PTGDR2: variants seen among roughly 807,000 people sequenced by gnomAD.
The protein encoded by PTGDR2 is prostaglandin D2 receptor 2.
For synonymous variants in PTGDR2, 276 were observed against 278.4 expected (o/e 0.99, Z 0.09); for missense variants, 544 against 576.6 (o/e 0.94, Z 0.58).
rs1436493270 is a variant in PTGDR2, at chr11:60,851,297, C to A, written c.*1238G>T. On this transcript the variant is annotated 3_prime_UTR_variant, in exon 2 of 2. Transcript: ENST00000332539. ...CTCAAGAGTTTCTCATCTGCTTCTTCCACTGACATTTCATCCACCAAGCAA... is the reference window on the plus strand; with the variant it reads ...CTCAAGAGTTTCTCATCTGCTTCTTACACTGACATTTCATCCACCAAGCAA... 3 of 152,274 alleles carry A rather than the reference C, an allele frequency of 2.0e-5. No individual in the cohort carries two copies. The allele number at this position is 152,274 out of a possible 1,614,324, so 9.4% of individuals were successfully genotyped here.
In PTGDR2 at chr11:60,852,875, C is replaced by T. The variant is rs1352162656; in HGVS notation, c.848G>A (p.Trp283Ter). 42 of 1,541,292 alleles carry T rather than the reference C, an allele frequency of 2.7e-5. No individual in the cohort carries two copies. Among genetic ancestry groups the T allele is most frequent in the Non-Finnish European group, 3.1e-5 (36 of 1,143,136 alleles). The change falls in exon 2 of 2, where the codon TGG becomes TAG. Residue 283 changes from tryptophan (W) to a stop codon, truncating the protein, a stop_gained. Coordinates refer to ENST00000332539, the MANE Select transcript of PTGDR2 (RefSeq NM_004778.3). LOFTEE classifies it low-confidence loss of function (END_TRUNC). ...GCTGGTGACGAAGGGCAGCCCGCGC[C>T]ACACGAGCGGCCGCAGCCCCGGGTT... ...HANPGLRPLV[W>*]RGLPFVTSLA...
chr11:60,852,474 T>A lies in PTGDR2; in HGVS notation c.*61A>T. On this transcript the variant is annotated 3_prime_UTR_variant, in exon 2 of 2. Coordinates refer to ENST00000332539, the MANE Select transcript of PTGDR2 (RefSeq NM_004778.3). ...CTGCGGCAGGAGTCCGGATATCGAA[T>A]TGAACCGCGGCACCCTGGTGATACT... 8.1e-7 allele frequency: 1 copy of A among 1,229,214 alleles called. No homozygotes were observed. Among genetic ancestry groups the A allele is most frequent in the Middle Eastern group, 3.1e-4 (1 of 3,252 alleles). The allele number at this position is 1,229,214 out of a possible 1,614,324, so 76.1% of individuals were successfully genotyped here. A position where few individuals can be genotyped will look rare whatever the true frequency, so the allele number is the denominator to read the frequency against.
chr11:60,852,502 C>A lies in PTGDR2; in HGVS notation c.*33G>T. 2 of 1,246,748 alleles carry A rather than the reference C, an allele frequency of 1.6e-6. No homozygotes were observed. Among genetic ancestry groups the A allele is most frequent in the Admixed American group, 4.2e-5 (1 of 23,796 alleles). 77.2% of individuals were successfully genotyped at this position (1,246,748 alleles called of 1,614,324 possible). ...AACCGCGGCACCCTGGTGATACTTT[C>A]GCGTGTGAGTGCCGCCCTACGTGGG... On this transcript the variant is annotated 3_prime_UTR_variant, in exon 2 of 2. Transcript: ENST00000332539.
Position 60,851,407 on chromosome 11 carries a change from G to A in PTGDR2, c.*1128C>T, listed in dbSNP as rs931424032. The A allele has an allele frequency of 3.3e-5, 5 of 152,246 alleles. No homozygotes were observed. The highest frequency in any genetic ancestry group is 2.6e-4 in the Admixed American group (4 of 15,288). 9.4% of individuals were successfully genotyped at this position (152,246 alleles called of 1,614,324 possible). A position where few individuals can be genotyped will look rare whatever the true frequency, so the allele number is the denominator to read the frequency against. ...GACCCCAAGTCCACGGCAGGTGGAG[G>A]AATGAGACGGGGTGCAGTGGAAGTG... is the stretch of plus-strand genomic sequence containing the variant. On this transcript the variant is annotated 3_prime_UTR_variant, in exon 2 of 2. Coordinates refer to ENST00000332539, the MANE Select transcript of PTGDR2 (RefSeq NM_004778.3).
At chr11:60,855,217 A>T (rs1414443904) in intron 1 of PTGDR2, among the ~76,000 whole-genome samples, 1 of 152,184 alleles carries the variant, frequency 6.6e-6, no homozygotes, top group African/African-American at 2.4e-5. Flanking sequence ...TTTCAGAAGA[A>T]GAAACAACAA....
Position 60,852,458 on chromosome 11 carries a change from G to A in PTGDR2, c.*77C>T. 1.7e-6 allele frequency: 2 copies of A among 1,186,478 alleles called. No individual in the cohort carries two copies. Among genetic ancestry groups the A allele is most frequent in the Non-Finnish European group, 2.1e-6 (2 of 944,310 alleles). 73.5% of individuals were successfully genotyped at this position (1,186,478 alleles called of 1,614,324 possible). A position where few individuals can be genotyped will look rare whatever the true frequency, so the allele number is the denominator to read the frequency against. On this transcript the variant is annotated 3_prime_UTR_variant, in exon 2 of 2. Coordinates refer to ENST00000332539, the MANE Select transcript of PTGDR2 (RefSeq NM_004778.3). ...CCTCGGACTTTGATCACTGCGGCAG[G>A]AGTCCGGATATCGAATTGAACCGCG...
rs1285373730 is a variant in PTGDR2, at chr11:60,853,350, T to C, written c.373A>G (p.Ile125Val). 16 of 1,608,488 alleles carry C rather than the reference T, an allele frequency of 9.9e-6. No homozygotes were observed. The highest frequency in any genetic ancestry group is 1.4e-5 in the Non-Finnish European group (16 of 1,177,944). ...MFASGFLLSA[I>V]SLDRCLQVVR... ...ACCTGCAGGCAGCGGTCCAGGCTGA[T>C]GGCGCTGAGCAGGAAGCCGCTGGCG... Residue 125 changes from isoleucine to valine, a missense_variant, in exon 2 of 2, where the codon ATC (isoleucine) becomes GTC (valine). Transcript: ENST00000332539.
At chr11:60,854,190 T>A (rs908001976) in intron 1 of PTGDR2, among the ~76,000 whole-genome samples, 7 of 152,156 alleles carry the variant, frequency 4.6e-5, no homozygotes, top group Admixed American at 4.6e-4. Flanking sequence ...GGCAAGAGGA[T>A]TCTGCTGGCC....
Position 60,853,201 on chromosome 11 carries a change from C to G in PTGDR2, c.522G>C (p.Ser174=). ...AGCACATAATGCGCCCGTCCAGCCGCGAGATGGTGTCCCGGAACACGAAAT... is the reference window on the plus strand; with the variant it reads ...AGCACATAATGCGCCCGTCCAGCCGGGAGATGGTGTCCCGGAACACGAAAT... ...VPYFVFRDTI[S]RLDGRIMCYY... is the part of the protein sequence containing the mutation. Residue 174 remains serine (S), a synonymous_variant, in exon 2 of 2, where the codon TCG becomes TCC. Coordinates refer to ENST00000332539, the MANE Select transcript of PTGDR2 (RefSeq NM_004778.3). 6.2e-7 allele frequency: 1 copy of G among 1,612,212 alleles called. No individual in the cohort carries two copies. Among genetic ancestry groups the G allele is most frequent in the Non-Finnish European group, 8.5e-7 (1 of 1,179,896 alleles).
At position 60,853,049 on chromosome 11, in the gene PTGDR2, C is replaced by G; in HGVS notation, c.674G>C (p.Ser225Thr). 1 of 1,569,886 alleles carries G rather than the reference C, an allele frequency of 6.4e-7. No homozygotes were observed. The highest frequency in any genetic ancestry group is 8.6e-7 in the Non-Finnish European group (1 of 1,163,012). Residue 225 changes from serine to threonine, a missense_variant, in exon 2 of 2, where the codon AGC (serine) becomes ACC (threonine). Physicochemically the swap from Ser to Thr is moderately conservative, Grantham distance 58 (BLOSUM62 1). Transcript: ENST00000332539. The part of the protein sequence containing the change: ...FLVPLAIIAS[S>T]HAAVSLRLQH... ...CAACCGCAGGCTCACGGCCGCGTGGCTCGAGGCGATGATCGCCAGCGGCAC... is the reference window on the plus strand; with the variant it reads ...CAACCGCAGGCTCACGGCCGCGTGGGTCGAGGCGATGATCGCCAGCGGCAC...
chr11:60,854,285 C>G (rs1045754883), intron 1 of PTGDR2, among the ~76,000 whole-genome samples: 7 of 152,200 alleles, frequency 4.6e-5, no homozygotes, highest in Non-Finnish European at 1.0e-4. Context: ...TGCAGCTCCC[C>G]GCACTCAGTG....
In PTGDR2 at chr11:60,853,409, T is replaced by C; in HGVS notation, c.314A>G (p.Lys105Arg). 2 of 1,581,508 alleles carry C rather than the reference T, an allele frequency of 1.3e-6. No individual in the cohort carries two copies. Among genetic ancestry groups the C allele is most frequent in the Middle Eastern group, 1.7e-4 (1 of 6,024 alleles). Reference sequence around the variant, plus strand: ...GAGAAAGAAGATGGAGGAGTGCAGTTTGCAGAAGGTGGTGCCCAGCTCCCA... The same window carrying C: ...GAGAAAGAAGATGGAGGAGTGCAGTCTGCAGAAGGTGGTGCCCAGCTCCCA... ...HSWELGTTFC[K>R]LHSSIFFLNM... Residue 105 changes from lysine (K) to arginine (R), a missense_variant, in exon 2 of 2, where the codon AAA (lysine) becomes AGA (arginine). Lys to Arg is a conservative substitution (Grantham distance 26). Coordinates refer to ENST00000332539, the MANE Select transcript of PTGDR2 (RefSeq NM_004778.3).
chr11:60,853,538 C>G lies in PTGDR2; in HGVS notation c.185G>C (p.Arg62Pro). Residue 62 changes from arginine (R) to proline (P), a missense_variant, in exon 2 of 2, where the codon CGC (arginine) becomes CCC (proline). Coordinates refer to ENST00000332539, the MANE Select transcript of PTGDR2 (RefSeq NM_004778.3). ...VILFVVGCRM[R>P]QTVVTTWVLH... ...CACCCAGGTGGTGACCACGGTCTGG[C>G]GCATGCGGCAGCCCACCACGAAGAG... The G allele has an allele frequency of 6.4e-7, 1 of 1,556,418 alleles. No homozygotes were observed. Among genetic ancestry groups the G allele is most frequent in the African/African-American group, 1.4e-5 (1 of 73,430 alleles).
rs916305901 is a variant in PTGDR2, at chr11:60,853,166, A to G, written c.557T>C (p.Val186Ala). The G allele has an allele frequency of 8.1e-6, 13 of 1,609,526 alleles. No homozygotes were observed. Among genetic ancestry groups the G allele is most frequent in the Non-Finnish European group, 1.1e-5 (13 of 1,179,850 alleles). Residue 186 changes from valine (V) to alanine (A), a missense_variant, in exon 2 of 2, where the codon GTG (valine) becomes GCG (alanine). By Grantham distance (64) the Val-to-Ala change is moderately conservative (BLOSUM62 0). Transcript: ENST00000332539. ...LDGRIMCYYN[V>A]LLLNPGPDRD... The stretch of plus-strand genomic sequence containing the variant: ...GTCAGGCCCCGGGTTCAGGAGCAGC[A>G]CATTGTAGTAGCACATAATGCGCCC...
chr11:60,852,621 G>T lies in PTGDR2; in HGVS notation c.1102C>A (p.Arg368Ser). 7.6e-7 allele frequency: 1 copy of T among 1,321,820 alleles called. No individual in the cohort carries two copies. The highest frequency in any genetic ancestry group is 2.1e-5 in the South Asian group (1 of 47,148). 81.9% of individuals were successfully genotyped at this position (1,321,820 alleles called of 1,614,324 possible). A position where few individuals can be genotyped will look rare whatever the true frequency, so the allele number is the denominator to read the frequency against. The change falls in exon 2 of 2, where the codon CGT becomes AGT. Residue 368 changes from arginine to serine, a missense_variant. By Grantham distance (110) the Arg-to-Ser change is moderately radical. Transcript: ENST00000332539. ...SRPEEPRGPARLLGWLLGSCA... is the reference protein window; with the variant it reads ...SRPEEPRGPASLLGWLLGSCA... ...CTGCCCAGCAGCCAGCCGAGGAGAC[G>T]CGCGGGGCCCCGCGGTTCCTCCGGG...
chr11:60,853,153 GTTCAGGAGCAGCACA>G lies in PTGDR2; in HGVS notation c.555_569del (p.Val186_Asn190del). On this transcript the variant is annotated inframe_deletion, in exon 2 of 2. Transcript: ENST00000332539. ...ACGTGGCATCGCGGTCAGGCCCCGGGTTCAGGAGCAGCACATTGTAGTAGCACATAATGCGCCCGT... is the reference window on the plus strand; with the variant it reads ...ACGTGGCATCGCGGTCAGGCCCCGGGTTGTAGTAGCACATAATGCGCCCGT... The G allele has an allele frequency of 6.2e-7, 1 of 1,608,696 alleles. No individual in the cohort carries two copies. Among genetic ancestry groups the G allele is most frequent in the Non-Finnish European group, 8.5e-7 (1 of 1,179,812 alleles).
chr11:60,852,388 A>C lies in PTGDR2; in HGVS notation c.*147T>G. Reference sequence around the variant, plus strand: ...AACTCACTGTTTCTGAAAAAGATTCAGAGTCTCCCGGGGCGCTTTAAAATG... The same window carrying C: ...AACTCACTGTTTCTGAAAAAGATTCCGAGTCTCCCGGGGCGCTTTAAAATG... On this transcript the variant is annotated 3_prime_UTR_variant, in exon 2 of 2. Coordinates refer to ENST00000332539, the MANE Select transcript of PTGDR2 (RefSeq NM_004778.3). The C allele has an allele frequency of 1.7e-6, 1 of 579,278 alleles. No homozygotes were observed. The highest frequency in any genetic ancestry group is 2.5e-6 in the Non-Finnish European group (1 of 392,890). The allele number at this position is 579,278 out of a possible 1,614,324, so 35.9% of individuals were successfully genotyped here. A position where few individuals can be genotyped will look rare whatever the true frequency, so the allele number is the denominator to read the frequency against.
In PTGDR2 at chr11:60,853,621, C is replaced by T. The variant is rs1380984305; in HGVS notation, c.102G>A (p.Ala34=). Residue 34 remains alanine, a synonymous_variant, in exon 2 of 2, where the codon GCG becomes GCA. Coordinates refer to ENST00000332539, the MANE Select transcript of PTGDR2 (RefSeq NM_004778.3). ...SNTSIRYIDH[A]AVLLHGLASL... is the part of the protein sequence containing the mutation. ...AGGCCAGCCCGTGCAGCAGCACGGC[C>T]GCGTGGTCGATGTAGCGGATGCTGG... is the stretch of plus-strand genomic sequence containing the variant. 1.3e-6 allele frequency: 2 copies of T among 1,556,838 alleles called. No homozygotes were observed. Among genetic ancestry groups the T allele is most frequent in the East Asian group, 2.4e-5 (1 of 41,420 alleles).
In PTGDR2 at chr11:60,853,081, G is replaced by A; in HGVS notation, c.642C>T (p.Ala214=). 1 of 1,596,362 alleles carries A rather than the reference G, an allele frequency of 6.3e-7. No individual in the cohort carries two copies. The highest frequency in any genetic ancestry group is 8.5e-7 in the Non-Finnish European group (1 of 1,175,920). ...CGATGATCGCCAGCGGCACCAGGAAGGCCAGCAGGAACTTGCTGACGGCCA... is the reference window on the plus strand; with the variant it reads ...CGATGATCGCCAGCGGCACCAGGAAAGCCAGCAGGAACTTGCTGACGGCCA... The part of the protein sequence containing the change: ...VALAVSKFLL[A]FLVPLAIIAS... Residue 214 remains alanine (A), a synonymous_variant, in exon 2 of 2, where the codon GCC becomes GCT. Transcript: ENST00000332539.
Sources: allele counts gnomAD v4.1 joint callset (sites outside exome capture counted in the v4.1 genomes callset), GRCh38; gene constraint gnomAD v4.1.1; transcripts MANE v1.5; gene names NCBI Gene and HGNC (gene_info 2026-07-23, HGNC 2026-07-21).